STX6: variants seen among roughly 807,000 people sequenced by gnomAD.
STX6 encodes the protein syntaxin 6.
STX6 carries 23 observed loss-of-function variants against 38.0 expected under a neutral mutation model. The observed-to-expected ratio is 0.60, with a 90% CI of 0.43 to 0.86. The LOEUF (loss-of-function observed/expected upper bound fraction) is 0.86. Ranked by LOEUF, STX6 falls within the 40% of genes least tolerant of loss-of-function variation. The pLI is 0.00. For synonymous variants in STX6, 123 were observed against 107.5 expected, an observed-to-expected ratio of 1.14 and a Z score of -0.89; for missense variants, 274 against 312.9, an observed-to-expected ratio of 0.88 and a Z score of 0.94.
At chr1:180,995,145 T>C (rs1655868602) in intron 3 of STX6, among the ~76,000 whole-genome samples, 2 of 152,006 alleles carry the variant, frequency 1.3e-5, no homozygotes, top group Non-Finnish European at 2.9e-5. Context: ...CTATTTTTAG[T>C]AGAGACAGGG....
At chr1:181,005,519 T>C (rs180950440) in intron 1 of STX6, 56 bp from the exon 2 acceptor site, 15 of 1,552,952 alleles carry the variant, frequency 9.7e-6, no homozygotes, top group African/African-American at 1.4e-5. Flanking sequence ...CATGGTCAAG[T>C]TACTGCATGA....
Position 181,005,339 on chromosome 1 carries a change from G to C in STX6, c.160C>G (p.Leu54Val). Residue 54 changes from leucine (L) to valine (V), a missense_variant, in exon 2 of 8, where the codon CTC becomes GTC. By Grantham distance (32) the Leu-to-Val change is conservative. Transcript: ENST00000258301. ...DWTTNELRNN[L>V]RSIEWDLEDL... is the part of the protein sequence containing the mutation. ...TCTAGATCCCACTCTATGCTCCGGA[G>C]GTTATTTCTCAGCTCGTTGGTGGTC... The C allele has an allele frequency of 6.2e-7, 1 of 1,614,130 alleles. No individual in the cohort carries two copies. Among genetic ancestry groups the C allele is most frequent in the Non-Finnish European group, 8.5e-7 (1 of 1,180,004 alleles).
chr1:180,994,463 A>C (rs1296399494), intron 3 of STX6, among the ~76,000 whole-genome samples: 1 of 152,256 alleles, frequency 6.6e-6, no homozygotes, highest in Non-Finnish European at 1.5e-5. Context: ...GCCCCTGCCC[A>C]CATGGAGTTC....
At chr1:180,998,038 A>C (rs1484377025) in intron 3 of STX6, among the ~76,000 whole-genome samples, 1 of 152,252 alleles carries the variant, frequency 6.6e-6, no homozygotes, top group Non-Finnish European at 1.5e-5. Context: ...GTATGATCAC[A>C]ACTATGTAAA....
chr1:180,991,933 T>C (rs1360603317), intron 4 of STX6, among the ~76,000 whole-genome samples: 1 of 76,310 alleles, frequency 1.3e-5, no homozygotes, highest in Non-Finnish European at 2.7e-5. Context: ...ATAAAATATA[T>C]TTAAATTTAT....
rs1655196180 is a variant in STX6 at position 180,974,422 on chromosome 1, T to G, written c.*2148A>C. 6.6e-6 allele frequency: 1 copy of G among 152,666 alleles called. No homozygotes were observed. Among genetic ancestry groups the G allele is most frequent in the Non-Finnish European group, 1.5e-5 (1 of 68,042 alleles). The allele number at this position is 152,666 out of a possible 1,614,324, so 9.5% of individuals were successfully genotyped here. On this transcript the variant is annotated 3_prime_UTR_variant, in exon 8 of 8. Transcript: ENST00000258301. Reference sequence around the variant, plus strand: ...GATTTGAAATATATCCAAACATCATTAAGCCTCTGGGTCATAAAACTTGGT... The same window carrying G: ...GATTTGAAATATATCCAAACATCATGAAGCCTCTGGGTCATAAAACTTGGT...
At chr1:181,022,505 A>C (rs550488024) in intron 1 of STX6, 134 bp downstream of exon 1, 2 of 883,134 alleles carry the variant, frequency 2.3e-6, no homozygotes, top group Non-Finnish European at 3.6e-6. Context: ...GGCCCTCAAG[A>C]CTAAGCCGTC....
intron 4 of STX6, 104 bp downstream of exon 4, chr1:180,993,259 C>G: frequency 1.4e-6 from 1 of 726,692 alleles, no homozygotes; most frequent in South Asian, 1.6e-5. Context: ...AAGCAGAAGT[C>G]TTCCTCTTGA....
chr1:181,013,029 T>C (rs1656452603), intron 1 of STX6, among the ~76,000 whole-genome samples: 1 of 152,122 alleles, frequency 6.6e-6, no homozygotes, highest in Non-Finnish European at 1.5e-5. Flanking sequence ...ACCTCATTTA[T>C]TTTTGAAGTT....
chr1:181,016,501 A>T (rs537934552), intron 1 of STX6, among the ~76,000 whole-genome samples: 1 of 152,202 alleles, frequency 6.6e-6, no homozygotes, highest in Non-Finnish European at 1.5e-5. Flanking sequence ...TGTTCTTACA[A>T]CGAAACACTG....
At chr1:181,015,951 A>T (rs1402256256) in intron 1 of STX6, among the ~76,000 whole-genome samples, 1 of 152,186 alleles carries the variant, frequency 6.6e-6, no homozygotes, top group Non-Finnish European at 1.5e-5. Context: ...GAGCCATCGC[A>T]CCTGGCCCAC....
intron 3 of STX6, among the ~76,000 whole-genome samples, chr1:180,993,915 T>C (rs1295697826): frequency 1.3e-5 from 2 of 152,234 alleles, no homozygotes; most frequent in Admixed American, 1.3e-4. Context: ...CATGTGCTTT[T>C]AGTATAAAGT....
At chr1:180,996,478 A>C (rs1655918543) in intron 3 of STX6, among the ~76,000 whole-genome samples, 1 of 152,260 alleles carries the variant, frequency 6.6e-6, no homozygotes, top group Non-Finnish European at 1.5e-5. Flanking sequence ...AGACCAAGAA[A>C]GATGAAAAAG....
At chr1:181,001,401 T>C (rs1252774909) in intron 3 of STX6, among the ~76,000 whole-genome samples, 1 of 152,252 alleles carries the variant, frequency 6.6e-6, no homozygotes, top group Non-Finnish European at 1.5e-5. Flanking sequence ...TGAAACATTT[T>C]AATGACACAA....
rs1317671618 is a variant in STX6 at position 181,022,678 on chromosome 1, TCCCGGC to T, written c.-11_-6del. 6 of 1,608,122 alleles carry T rather than the reference TCCCGGC, an allele frequency of 3.7e-6. No individual in the cohort carries two copies. The highest frequency in any genetic ancestry group is 5.1e-6 in the Non-Finnish European group (6 of 1,177,750). On this transcript the variant is annotated 5_prime_UTR_variant, in exon 1 of 8. Coordinates refer to ENST00000258301, the MANE Select transcript of STX6 (RefSeq NM_005819.6). ...GAAGGGGTCCTCCATGGACATGGCG[TCCCGGC>T]CCCGGCCGCCTTCACCTCCTCCGCG...
At chr1:181,005,685 A>T (rs1407469087) in intron 1 of STX6, among the ~76,000 whole-genome samples, 2 of 152,252 alleles carry the variant, frequency 1.3e-5, no homozygotes, top group Non-Finnish European at 1.5e-5. Flanking sequence ...TTATTTAAGC[A>T]GCTACAATAT....
chr1:180,991,685 G>A (rs766589640), intron 4 of STX6, among the ~76,000 whole-genome samples: 5 of 152,164 alleles, frequency 3.3e-5, no homozygotes, highest in African/African-American at 9.6e-5. Context: ...CCCAAGGACT[G>A]GAAGATGCAC....
rs1288462990 is a variant in STX6, at chr1:180,975,369, T to C, written c.*1201A>G. Reference sequence around the variant, plus strand: ...TTAAAAAGTCATCAGAAGGTTAAAGTTTAGTGTCTCAGCAGTTTCAGCTAC... The same window carrying C: ...TTAAAAAGTCATCAGAAGGTTAAAGCTTAGTGTCTCAGCAGTTTCAGCTAC... On this transcript the variant is annotated 3_prime_UTR_variant, in exon 8 of 8. Transcript: ENST00000258301. 1 of 147,902 alleles carries C rather than the reference T, an allele frequency of 6.8e-6. No homozygotes were observed. The highest frequency in any genetic ancestry group is 1.5e-5 in the Non-Finnish European group (1 of 66,804). The allele number at this position is 147,902 out of a possible 1,614,324, so 9.2% of individuals were successfully genotyped here.
chr1:180,989,898 G>GCCA, intron 5 of STX6, 86 bp downstream of exon 5: 1 of 1,526,130 alleles, frequency 6.6e-7, no homozygotes, highest in Non-Finnish European at 9.0e-7. Flanking sequence ...TTGTCACTAA[G>GCCA]CCACAAGACC....
Sources: gnomAD v4.1 joint callset for allele counts (sites outside exome capture counted in the v4.1 genomes callset) on GRCh38, gnomAD v4.1.1 for gene constraint, MANE v1.5 for transcripts, NCBI Gene and HGNC (gene_info 2026-07-23, HGNC 2026-07-21) for gene names.